ADAMTS20: variants seen among roughly 807,000 people sequenced by gnomAD.
The protein encoded by ADAMTS20 is A disintegrin and metalloproteinase with thrombospondin motifs 20.
A neutral mutation model predicts 260.1 loss-of-function variants in ADAMTS20; 225 were observed. The ratio of observed to expected loss-of-function variants is 0.87; its 90% confidence interval spans 0.78 to 0.97. The LOEUF (loss-of-function observed/expected upper bound fraction) is 0.97, where lower values mean the gene tolerates loss of function less well. ADAMTS20 is among the 50% of genes least tolerant of loss of function. The pLI, the probability that ADAMTS20 is intolerant of heterozygous loss-of-function variation, is 0.00. For missense variants in ADAMTS20, 2,400 were observed against 2,337.7 expected (o/e 1.03, Z -0.55); for synonymous variants, 802 against 769.5 (o/e 1.04, Z -0.70).
intron 7 of ADAMTS20, among the ~76,000 whole-genome samples, chr12:43,474,173 C>A (rs1942312245): frequency 6.8e-6 from 1 of 146,862 alleles, no homozygotes; most frequent in Admixed American, 6.8e-5. Context: ...ACTGATCCCA[C>A]AGAAATACAA....
chr12:43,464,825 A>G, intron 9 of ADAMTS20, 93 bp from the exon 10 acceptor site: 1 of 1,333,944 alleles, frequency 7.5e-7, no homozygotes, highest in South Asian at 1.5e-5. Flanking sequence ...CTTTACTTTC[A>G]AAGAGAATAT....
chr12:43,393,616 A>C (rs1246590690), intron 29 of ADAMTS20, among the ~76,000 whole-genome samples: 1 of 151,908 alleles, frequency 6.6e-6, no homozygotes, highest in Admixed American at 6.6e-5. Context: ...TTAAAATGAA[A>C]ATAGGGAAGT....
At chr12:43,519,120 T>C (rs1167329680) in intron 3 of ADAMTS20, among the ~76,000 whole-genome samples, 1 of 152,148 alleles carries the variant, frequency 6.6e-6, no homozygotes, top group Non-Finnish European at 1.5e-5. Flanking sequence ...TATCTGACAG[T>C]AGCTTCCACT....
intron 4 of ADAMTS20, among the ~76,000 whole-genome samples, chr12:43,498,742 C>T (rs1942712057): frequency 6.6e-6 from 1 of 152,118 alleles, no homozygotes; most frequent in East Asian, 1.9e-4. Flanking sequence ...ACAAGTTGGA[C>T]TGGATTTGAT....
chr12:43,541,794 TTCTTC>T (rs1416750608), intron 2 of ADAMTS20, among the ~76,000 whole-genome samples: 3 of 152,322 alleles, frequency 2.0e-5, no homozygotes, highest in African/African-American at 2.4e-5. Flanking sequence ...AGGTTAGTTG[TTCTTC>T]TCTTCTCTTC....
intron 28 of ADAMTS20, chr12:43,423,818 A>G (rs751536798): frequency 1.3e-5 from 9 of 706,252 alleles, no homozygotes; most frequent in Non-Finnish European, 2.1e-5. Flanking sequence ...GTCAGTAACG[A>G]CATTTATTAA....
At position 43,452,210 on chromosome 12, in the gene ADAMTS20, A is replaced by G; in HGVS notation, c.2079+64T>C. On this transcript the variant is annotated intron_variant, in intron 14 of 38. Coordinates refer to ENST00000389420, the MANE Select transcript of ADAMTS20 (RefSeq NM_025003.5). ...AGTAAAAGTAATATTTGGTTATATAAATCGAAAAAAAACATTATTCTTAAA... is the reference window on the plus strand; with the variant it reads ...AGTAAAAGTAATATTTGGTTATATAGATCGAAAAAAAACATTATTCTTAAA... The G allele has an allele frequency of 4.0e-6, 6 of 1,490,850 alleles. No individual in the cohort carries two copies. In the South Asian group the frequency reaches 5.4e-5, roughly 13 times the overall value. 92.4% of individuals were successfully genotyped at this position (1,490,850 alleles called of 1,614,324 possible).
At chr12:43,416,436 A>C (rs1024131562) in intron 28 of ADAMTS20, among the ~76,000 whole-genome samples, 10 of 151,686 alleles carry the variant, frequency 6.6e-5, no homozygotes, top group African/African-American at 2.4e-4. Flanking sequence ...ACATGGCCTT[A>C]ATTCATATTT....
At chr12:43,518,795 C>T (rs543079883) in intron 3 of ADAMTS20, among the ~76,000 whole-genome samples, 1 of 145,220 alleles carries the variant, frequency 6.9e-6, no homozygotes, top group Non-Finnish European at 1.5e-5. Flanking sequence ...TAAACGAGAA[C>T]TCCATCCTTC....
intron 3 of ADAMTS20, among the ~76,000 whole-genome samples, chr12:43,505,509 A>T (rs1470590934): frequency 1.3e-5 from 2 of 152,220 alleles, no homozygotes; most frequent in Non-Finnish European, 2.9e-5. Context: ...ACATTATACA[A>T]ATTATCAACA....
chr12:43,480,191 C>A (rs535051449), intron 7 of ADAMTS20, among the ~76,000 whole-genome samples: 3 of 152,112 alleles, frequency 2.0e-5, no homozygotes, highest in Non-Finnish European at 4.4e-5. Flanking sequence ...CACCTTAACT[C>A]ATTTTATAAG....
At chr12:43,518,398 T>G (rs1172363838) in intron 3 of ADAMTS20, among the ~76,000 whole-genome samples, 2 of 152,146 alleles carry the variant, frequency 1.3e-5, no homozygotes, top group Non-Finnish European at 2.9e-5. Flanking sequence ...TCAAGTGGTT[T>G]TTGGGCAAAC....
rs149358464 is a variant in ADAMTS20, at chr12:43,551,008, C to G, written c.354G>C (p.Glu118Asp). Residue 118 changes from glutamate to aspartate, a missense_variant, in exon 2 of 39, where the codon GAG becomes GAC. By Grantham distance (45) the Glu-to-Asp change is conservative. Transcript: ENST00000389420. The surrounding 1 kb of genome is among the most constrained non-coding windows in gnomAD (Gnocchi z 4.6). Reference protein sequence around the residue: ...HLGTPERGAWESDAGPSDLRH... With the variant: ...HLGTPERGAWDSDAGPSDLRH... ...GCAGGTCCGAGGGCCCTGCGTCGCT[C>G]TCCCAGGCCCCGCGCTCCGGGGTTC... The G allele has an allele frequency of 1.9e-6, 3 of 1,613,396 alleles. No homozygotes were observed. The highest frequency in any genetic ancestry group is 3.3e-5 in the Admixed American group (2 of 59,938).
chr12:43,468,772 T>C, intron 7 of ADAMTS20, 67 bp from the exon 8 acceptor site: 1 of 910,310 alleles, frequency 1.1e-6, no homozygotes, highest in South Asian at 1.5e-5. Flanking sequence ...AGAACTTAAT[T>C]TTGAAGCATT....
chr12:43,408,407 A>C (rs1020994720), intron 28 of ADAMTS20, among the ~76,000 whole-genome samples: 13 of 152,238 alleles, frequency 8.5e-5, no homozygotes, highest in Non-Finnish European at 1.9e-4. Context: ...GGTAACATTT[A>C]CAAAATTCTT....
chr12:43,543,574 A>T (rs1943404505), intron 2 of ADAMTS20, among the ~76,000 whole-genome samples: 1 of 152,204 alleles, frequency 6.6e-6, no homozygotes, highest in African/African-American at 2.4e-5. Flanking sequence ...TATGGAGAAG[A>T]CTGCGTTATC....
chr12:43,509,515 TGTAA>T (rs1258942919), intron 3 of ADAMTS20, among the ~76,000 whole-genome samples: 1 of 151,982 alleles, frequency 6.6e-6, no homozygotes, highest in Non-Finnish European at 1.5e-5. Context: ...ATGTTGTCAC[TGTAA>T]GTAAGGAAAG....
chr12:43,551,309 T>C lies in ADAMTS20; in HGVS notation c.92-39A>G. 2 of 1,584,594 alleles carry C rather than the reference T, an allele frequency of 1.3e-6. No homozygotes were observed. The highest frequency in any genetic ancestry group is 1.7e-6 in the Non-Finnish European group (2 of 1,163,734). ...GACAGGACCAGTGAGCTCCCACGCG[T>C]TCCTCATTGTCCAACTCTAAACTTC... On this transcript the variant is annotated intron_variant, in intron 1 of 38. Coordinates refer to ENST00000389420, the MANE Select transcript of ADAMTS20 (RefSeq NM_025003.5). This position sits in a 1 kb window ranked among gnomAD's most constrained non-coding sequence, Gnocchi z 4.6.
intron 23 of ADAMTS20, 72 bp from the exon 24 acceptor site, chr12:43,429,796 T>G: frequency 2.1e-6 from 2 of 961,010 alleles, no homozygotes; most frequent in East Asian, 5.4e-5. Context: ...AATACTTCAC[T>G]TCTTCTGTAT....
Sources: gnomAD v4.1 joint callset for allele counts (sites outside exome capture counted in the v4.1 genomes callset) on GRCh38, gnomAD v4.1.1 for gene constraint, Gnocchi (gnomAD v3.1) non-coding constraint, MANE v1.5 for transcripts, NCBI Gene and HGNC (gene_info 2026-07-23, HGNC 2026-07-21) for gene names.